The following MSL2 variants were observed in gnomAD, a reference collection of about 807,000 sequenced individuals.
MSL2 encodes the protein E3 ubiquitin-protein ligase MSL2.
Under a neutral mutation model 35.8 loss-of-function variants are expected in MSL2, and 2 were observed. That is an observed-to-expected ratio of 0.06 (90% CI 0.02 to 0.18). MSL2 has a LOEUF of 0.18. Ranked by LOEUF, MSL2 falls within the 10% of genes least tolerant of loss-of-function variation. The pLI is 1.00. For synonymous variants in MSL2, 296 were observed against 255.7 expected (o/e 1.16, Z -1.50); for missense variants, 523 against 706.7 (o/e 0.74, Z 2.95).
chr3:136,151,975 A>G lies in MSL2; in HGVS notation c.906T>C (p.Pro302=). 1.2e-6 allele frequency: 2 copies of G among 1,614,248 alleles called. No individual in the cohort carries two copies. The highest frequency in any genetic ancestry group is 1.7e-6 in the Non-Finnish European group (2 of 1,180,040). Reference sequence around the variant, plus strand: ...GAGACTGGGAAGAAAGCTGCAGAAAAGGTCCATTGGATACAGTGGCTTCCA... The same window carrying G: ...GAGACTGGGAAGAAAGCTGCAGAAAGGGTCCATTGGATACAGTGGCTTCCA... ...PNLEATVSNG[P]FLQLSSQSLS... Residue 302 remains proline, a synonymous_variant, in exon 2 of 2, where the codon CCT becomes CCC. Transcript: ENST00000309993. The surrounding 1 kb of genome is among the most constrained non-coding windows in gnomAD (Gnocchi z 5.2).
At chr3:136,172,884 C>T (rs1201439862) in intron 1 of MSL2, among the ~76,000 whole-genome samples, 1 of 152,168 alleles carries the variant, frequency 6.6e-6, no homozygotes, top group Non-Finnish European at 1.5e-5. Flanking sequence ...ACCTACGGGG[C>T]CGGGCACAGT....
chr3:136,157,410 G>A (rs1939565675), intron 1 of MSL2, among the ~76,000 whole-genome samples: 1 of 152,166 alleles, frequency 6.6e-6, no homozygotes, highest in Non-Finnish European at 1.5e-5. Context: ...GACTGAGGCA[G>A]GAGAACTGCT....
At chr3:136,185,303 A>T (rs1191598791) in intron 1 of MSL2, among the ~76,000 whole-genome samples, 1 of 79,834 alleles carries the variant, frequency 1.3e-5, no homozygotes, top group Non-Finnish European at 2.9e-5. Flanking sequence ...AACAAAGCTA[A>T]AAAAAAAAAA....
rs1939564023 is a variant in MSL2 at position 136,157,352 on chromosome 3, C to CA, written c.143-4615dup. 4.6e-5 allele frequency among the ~76,000 whole-genome samples: 7 copies of CA among 152,194 alleles called. No individual in the cohort carries two copies. The South Asian group carries it at 1.5e-3, about 32-fold the overall frequency. On this transcript the variant is annotated intron_variant, in intron 1 of 1. Transcript: ENST00000309993. ...TAAAACCCTGTCTCTACTAAAAATACAAAAATTATCCAAGGGTGGTGAACA... is the reference window on the plus strand; with the variant it reads ...TAAAACCCTGTCTCTACTAAAAATACAAAAAATTATCCAAGGGTGGTGAACA...
In MSL2 at chr3:136,154,087, T is replaced by TA. The variant is rs149944952; in HGVS notation, c.143-1350dup. ...GACAAGAGCAAAACTCCGTCTCATT[T>TA]AAAAAAAAAAAAAAAGGAGTTTCAG... On this transcript the variant is annotated intron_variant, in intron 1 of 1. Coordinates refer to ENST00000309993, the MANE Select transcript of MSL2 (RefSeq NM_018133.4). Among the ~76,000 whole-genome samples the TA allele has an allele frequency of 4.4e-3, 596 of 135,540 alleles. 2 individuals are homozygous for TA. Among genetic ancestry groups the TA allele is most frequent in the East Asian group, 0.01 (50 of 4,806 alleles). The allele number at this position is 135,540 out of a possible 152,430, so 88.9% of individuals were successfully genotyped here.
At chr3:136,188,361 G>GA (rs1334509759) in intron 1 of MSL2, among the ~76,000 whole-genome samples, 3 of 151,140 alleles carry the variant, frequency 2.0e-5, no homozygotes, top group Non-Finnish European at 4.4e-5. Flanking sequence ...TTGAACCCAT[G>GA]AAGCAGAGGT....
chr3:136,155,614 A>G, intron 1 of MSL2: 1 of 350,804 alleles, frequency 2.9e-6, no homozygotes, highest in South Asian at 3.1e-5. Flanking sequence ...CCTGCTTTTC[A>G]TCCTCAGCCT....
At chr3:136,192,667 A>G (rs1940723920) in intron 1 of MSL2, among the ~76,000 whole-genome samples, 1 of 152,230 alleles carries the variant, frequency 6.6e-6, no homozygotes, top group Non-Finnish European at 1.5e-5. Context: ...ATGTAAAACC[A>G]CAGTTGAATA....
At chr3:136,186,020 AGCT>A (rs1940512517) in intron 1 of MSL2, among the ~76,000 whole-genome samples, 1 of 152,216 alleles carries the variant, frequency 6.6e-6, no homozygotes, top group African/African-American at 2.4e-5. Context: ...CAGAATATTT[AGCT>A]CAATTACCAC....
intron 1 of MSL2, among the ~76,000 whole-genome samples, chr3:136,176,773 T>C (rs1023510505): frequency 6.6e-6 from 1 of 152,156 alleles, no homozygotes; most frequent in Non-Finnish European, 1.5e-5. Flanking sequence ...TCTGCCATGA[T>C]TGGAAGCTTC....
intron 1 of MSL2, among the ~76,000 whole-genome samples, chr3:136,155,005 T>C (rs1227691943): frequency 1.3e-5 from 2 of 152,080 alleles, no homozygotes; most frequent in African/African-American, 2.4e-5. Flanking sequence ...GTCAAGAGAC[T>C]GAGACCATCC....
Position 136,195,926 on chromosome 3 carries a change from C to T in MSL2, c.-813G>A. ...GGCGGCGCCCCTCGCGCCTCAGTCG[C>T]ACACTCCGGGGTCACCAGACTCAAG... On this transcript the variant is annotated 5_prime_UTR_variant, in exon 1 of 2. Transcript: ENST00000309993. 1 of 616,978 alleles carries T rather than the reference C, an allele frequency of 1.6e-6. No individual in the cohort carries two copies. The highest frequency in any genetic ancestry group is 7.3e-5 in the South Asian group (1 of 13,772). The allele number at this position is 616,978 out of a possible 1,614,324, so 38.2% of individuals were successfully genotyped here.
At chr3:136,154,144 CAAAG>C (rs370693552) in intron 1 of MSL2, among the ~76,000 whole-genome samples, 4 of 144,026 alleles carry the variant, frequency 2.8e-5, no homozygotes, top group East Asian at 2.0e-4. Flanking sequence ...TACATTAAAA[CAAAG>C]AAAAAAGGAG....
intron 1 of MSL2, among the ~76,000 whole-genome samples, chr3:136,183,577 C>T (rs1408785932): frequency 6.6e-6 from 1 of 152,242 alleles, no homozygotes; most frequent in South Asian, 2.1e-4. Flanking sequence ...ACGCACCAAC[C>T]ATGTCCAGCT....
At chr3:136,184,044 G>A (rs999782474) in intron 1 of MSL2, among the ~76,000 whole-genome samples, 3 of 151,992 alleles carry the variant, frequency 2.0e-5, no homozygotes, top group South Asian at 2.1e-4. Flanking sequence ...GCCTGTAATC[G>A]CAGCACTTTG....
At position 136,195,040 on chromosome 3, in the gene MSL2, G is replaced by A. The variant is rs201616513; in HGVS notation, c.74C>T (p.Pro25Leu). ...CCTGTTAATCTCAGTAAACGCCTTG[G>A]GGTCTCCGGGGTCGTAGTTGAGCAC... The part of the protein sequence containing the change: ...RLVLNYDPGD[P>L]KAFTEINRLL... The change falls in exon 1 of 2, where the codon CCC becomes CTC. Residue 25 changes from proline (P) to leucine (L), a missense_variant. Coordinates refer to ENST00000309993, the MANE Select transcript of MSL2 (RefSeq NM_018133.4). 9.9e-6 allele frequency: 16 copies of A among 1,614,130 alleles called. No homozygotes were observed. In the East Asian group the frequency reaches 3.6e-4, roughly 36 times the overall value.
Position 136,151,297 on chromosome 3 carries a change from G to A in MSL2, c.1584C>T (p.Gly528=), listed in dbSNP as rs1939359004. The change falls in exon 2 of 2, where the codon GGC becomes GGT. Residue 528 remains glycine, a synonymous_variant. Coordinates refer to ENST00000309993, the MANE Select transcript of MSL2 (RefSeq NM_018133.4). The surrounding 1 kb of genome is among the most constrained non-coding windows in gnomAD (Gnocchi z 5.2). Reference sequence around the variant, plus strand: ...GCACAGCAATGCTAGTCACGTTAATGCCCAAAGTGAGCCTGGTCTGCTCCA... The same window carrying A: ...GCACAGCAATGCTAGTCACGTTAATACCCAAAGTGAGCCTGGTCTGCTCCA... ...KALEQTRLTL[G]INVTSIAVRN... 1 of 1,614,224 alleles carries A rather than the reference G, an allele frequency of 6.2e-7. No homozygotes were observed. The highest frequency in any genetic ancestry group is 8.5e-7 in the Non-Finnish European group (1 of 1,180,044).
intron 1 of MSL2, among the ~76,000 whole-genome samples, chr3:136,188,220 G>C (rs1345406540): frequency 6.6e-6 from 1 of 152,076 alleles, no homozygotes; most frequent in African/African-American, 2.4e-5. Context: ...GAGTTCACAA[G>C]GTACAGAGAT....
intron 1 of MSL2, 74 bp from the exon 2 acceptor site, chr3:136,152,812 A>G: frequency 6.5e-7 from 1 of 1,531,896 alleles, no homozygotes; most frequent in Non-Finnish European, 8.8e-7. Context: ...AGTTTAGATG[A>G]CATAAGTAGT....
Sources: gnomAD v4.1 joint callset for allele counts (sites outside exome capture counted in the v4.1 genomes callset) on GRCh38, gnomAD v4.1.1 for gene constraint, Gnocchi (gnomAD v3.1) non-coding constraint, MANE v1.5 for transcripts, NCBI Gene and HGNC (gene_info 2026-07-23, HGNC 2026-07-21) for gene names.